ARL10: variants seen among roughly 807,000 people sequenced by gnomAD.
ARL10 encodes ARF like GTPase 10.
In ARL10, 23 loss-of-function variants were observed where a neutral mutation model predicts 26.1. That is an observed-to-expected ratio of 0.88 (90% CI 0.63 to 1.25). The LOEUF is 1.25. ARL10 is among the 50% of genes most tolerant of loss of function. The pLI is 0.00. For missense variants in ARL10, 300 were observed against 323.6 expected (o/e 0.93, Z 0.56); for synonymous variants, 138 against 149.1 (o/e 0.93, Z 0.54).
At chr5:176,383,994 C>A, downstream of ARL10, 1 of 1,535,124 alleles carries the variant, frequency 6.5e-7, no homozygotes, top group Non-Finnish European at 8.7e-7. Flanking sequence ...CATCACCCAC[C>A]CTGAAAACAG....
At chr5:176,389,064 G>A, downstream of ARL10, 1 of 1,507,110 alleles carries the variant, frequency 6.6e-7, no homozygotes, top group Non-Finnish European at 9.1e-7. Flanking sequence ...GCGGGGAGCG[G>A]AAGGAGAGCG....
chr5:176,389,537 C>G, downstream of ARL10: 7 of 1,576,278 alleles, frequency 4.4e-6, no homozygotes, highest in Non-Finnish European at 6.0e-6. Flanking sequence ...GAAATGATTC[C>G]AAAACCCAGG....
chr5:176,403,049 ATTT>A (rs34807992), downstream of ARL10, among the ~76,000 whole-genome samples: 5 of 137,986 alleles, frequency 3.6e-5, no homozygotes, highest in Non-Finnish European at 3.1e-5. Context: ...GCCTGCCCTA[ATTT>A]TTTTTTTTTT....
downstream of ARL10, chr5:176,392,701 C>A: frequency 6.4e-7 from 1 of 1,555,230 alleles, no homozygotes; most frequent in South Asian, 1.1e-5. This position sits in a 1 kb window ranked among gnomAD's most constrained non-coding sequence, Gnocchi z 5.2. Flanking sequence ...CGAGTCTCCA[C>A]CCCGACCAAA....
At chr5:176,406,370 G>A (rs181624653), downstream of ARL10, 8 of 1,128,152 alleles carry the variant, frequency 7.1e-6, no homozygotes, top group Admixed American at 3.6e-4. Context: ...CCCTCTGCTG[G>A]GCCCACCCAT....
At position 176,378,390 on chromosome 5, in the gene ARL10, C is replaced by G. The variant is rs536138582; in HGVS notation, c.*6495C>G. 6.6e-6 allele frequency: 1 copy of G among 152,328 alleles called. No homozygotes were observed. Among genetic ancestry groups the G allele is most frequent in the African/African-American group, 2.4e-5 (1 of 41,578 alleles). The allele number at this position is 152,328 out of a possible 1,614,324, so 9.4% of individuals were successfully genotyped here. ...ATTTGTTATTTATTTTTCACCTTTA[C>G]TCAAGATAGCTTGGAACTTATACCA... is the stretch of plus-strand genomic sequence containing the variant. On this transcript the variant is annotated 3_prime_UTR_variant, in exon 4 of 4. Transcript: ENST00000310389.
chr5:176,392,823 C>T, downstream of ARL10: 2 of 1,614,210 alleles, frequency 1.2e-6, no homozygotes, highest in Non-Finnish European at 1.7e-6. This position sits in a 1 kb window ranked among gnomAD's most constrained non-coding sequence, Gnocchi z 5.2. Context: ...CGAGCGCAGG[C>T]GGGACACATC....
chr5:176,409,959 G>A, the ARL10 span, among the ~76,000 whole-genome samples: 3 of 152,134 alleles, frequency 2.0e-5, no homozygotes, highest in East Asian at 3.9e-4. Flanking sequence ...AAGGCCTTGC[G>A]CTGCCTTCAT....
At chr5:176,390,625 A>G (rs1756235532), downstream of ARL10, among the ~76,000 whole-genome samples, 1 of 152,086 alleles carries the variant, frequency 6.6e-6, no homozygotes, top group Non-Finnish European at 1.5e-5. Context: ...TTAGTAGAAT[A>G]CTAAAACAAC....
the ARL10 span, among the ~76,000 whole-genome samples, chr5:176,410,845 ATT>A: frequency 6.6e-6 from 1 of 151,828 alleles, no homozygotes; most frequent in East Asian, 1.9e-4. Context: ...CACCTGGCAT[ATT>A]TTTTCTCTTT....
At chr5:176,383,744 T>G (rs1400275492), downstream of ARL10, among the ~76,000 whole-genome samples, 1 of 152,188 alleles carries the variant, frequency 6.6e-6, no homozygotes, top group African/African-American at 2.4e-5. Context: ...GCCGGCAAGC[T>G]TCTGTAGAGT....
chr5:176,371,300 T>A (rs1037801052), intron 3 of ARL10, among the ~76,000 whole-genome samples: 3 of 152,198 alleles, frequency 2.0e-5, no homozygotes, highest in African/African-American at 7.2e-5. Flanking sequence ...GCTTCAGGAT[T>A]CCACCACAGG....
rs1768646370 is a variant in ARL10 at position 176,375,094 on chromosome 5, A to ATCCATCCATCCATCCC, written c.*3207_*3222dup. 6.7e-6 allele frequency: 1 copy of ATCCATCCATCCATCCC among 149,114 alleles called. No individual in the cohort carries two copies. 9.2% of individuals were successfully genotyped at this position (149,114 alleles called of 1,614,324 possible). ...GGTGGCCTCATCCATCCATCCATCC[A>ATCCATCCATCCATCCC]TCCATCCATCCATCCCTCCATCCGT... On this transcript the variant is annotated 3_prime_UTR_variant, in exon 4 of 4. Coordinates refer to ENST00000310389, the MANE Select transcript of ARL10 (RefSeq NM_173664.6).
chr5:176,380,471 T>G lies in ARL10; in HGVS notation c.*8576T>G, dbSNP rs1207689480. 2.1e-5 allele frequency: 2 copies of G among 96,544 alleles called. No individual in the cohort carries two copies. Among genetic ancestry groups the G allele is most frequent in the South Asian group, 3.5e-4 (1 of 2,894 alleles). 6.0% of individuals were successfully genotyped at this position (96,544 alleles called of 1,614,324 possible). The stretch of plus-strand genomic sequence containing the variant: ...ACAAGTTCTGGGTCCATAATTTTGG[T>G]TTTTTTTTTTTTTTTTTTTTGAGAC... On this transcript the variant is annotated 3_prime_UTR_variant, in exon 4 of 4. Transcript: ENST00000310389.
the ARL10 span, among the ~76,000 whole-genome samples, chr5:176,407,799 G>C: frequency 6.6e-6 from 1 of 152,200 alleles, no homozygotes; most frequent in Non-Finnish European, 1.5e-5. Context: ...ACATGAAGCT[G>C]CTGAAGTCCT....
At position 176,366,679 on chromosome 5, in the gene ARL10, C is replaced by T; in HGVS notation, c.385+98C>T. Reference sequence around the variant, plus strand: ...GCTTCCAAAATGCATGTCTAAGCAGCACATTCCCCTCTACGAATCCTTCCC... The same window carrying T: ...GCTTCCAAAATGCATGTCTAAGCAGTACATTCCCCTCTACGAATCCTTCCC... On this transcript the variant is annotated intron_variant, in intron 2 of 3. Transcript: ENST00000310389. The T allele has an allele frequency of 2.9e-6, 4 of 1,360,344 alleles. No individual in the cohort carries two copies. In the South Asian group the frequency reaches 5.3e-5, roughly 18 times the overall value. The allele number at this position is 1,360,344 out of a possible 1,614,324, so 84.3% of individuals were successfully genotyped here.
Position 176,373,614 on chromosome 5 carries a change from C to T in ARL10, c.*1719C>T, listed in dbSNP as rs1768612230. 2.0e-5 allele frequency: 3 copies of T among 152,344 alleles called. No homozygotes were observed. Among genetic ancestry groups the T allele is most frequent in the East Asian group, 3.9e-4 (2 of 5,188 alleles). 9.4% of individuals were successfully genotyped at this position (152,344 alleles called of 1,614,324 possible). ...GGTGGGAAATTCTGAAGTCCAGAAG[C>T]GAGTGTGATCTTTGGAATAGTGGCT... On this transcript the variant is annotated 3_prime_UTR_variant, in exon 4 of 4. Coordinates refer to ENST00000310389, the MANE Select transcript of ARL10 (RefSeq NM_173664.6).
At chr5:176,371,289 C>G (rs949365912) in intron 3 of ARL10, among the ~76,000 whole-genome samples, 2 of 152,188 alleles carry the variant, frequency 1.3e-5, no homozygotes, top group African/African-American at 4.8e-5. Flanking sequence ...GCAGGAGAAT[C>G]GCTTCAGGAT....
intron 2 of ARL10, 21 bp downstream of exon 2, chr5:176,366,602 A>C (rs532773599): frequency 6.2e-7 from 1 of 1,612,068 alleles, no homozygotes; most frequent in Middle Eastern, 1.6e-4. Context: ...ACCCTACCCC[A>C]TCTCCCCGTC....
Sources: gnomAD v4.1 joint callset for allele counts (sites outside exome capture counted in the v4.1 genomes callset) on GRCh38, gnomAD v4.1.1 for gene constraint, Gnocchi (gnomAD v3.1) non-coding constraint, MANE v1.5 for transcripts, NCBI Gene and HGNC (gene_info 2026-07-23, HGNC 2026-07-21) for gene names.